The following GREB1L variants were observed in gnomAD, a reference collection of about 807,000 sequenced individuals.
GREB1L encodes GREB1 like retinoic acid receptor coactivator, also known as GREB1-like protein.
GREB1L carries 17 observed loss-of-function variants against 200.8 expected under a neutral mutation model. The ratio of observed to expected loss-of-function variants is 0.08; its 90% confidence interval spans 0.06 to 0.13. GREB1L has a LOEUF of 0.13. Among genes scored for constraint, GREB1L ranks in the 10% least tolerant of loss-of-function variants. The pLI, the probability that GREB1L is intolerant of heterozygous loss-of-function variation, is 1.00. For synonymous variants in GREB1L, 789 were observed against 893.0 expected (o/e 0.88, Z 2.08); for missense variants, 1,657 against 2,367.7 (o/e 0.70, Z 6.23).
Position 21,357,420 on chromosome 18 carries a change from A to G in GREB1L, c.-119-8607A>G, listed in dbSNP as rs1282137326. ...GTATGGTTTGCAAGCATTTTCTCCT[A>G]TCCTGTATGTTGGCTCTTCGCCCTG... On this transcript the variant is annotated intron_variant, in intron 1 of 32. Coordinates refer to ENST00000424526, the MANE Select transcript of GREB1L (RefSeq NM_001142966.3). Among the ~76,000 whole-genome samples, 3 of 152,118 alleles carry G rather than the reference A, an allele frequency of 2.0e-5. No homozygotes were observed. The East Asian group carries it at 5.8e-4, about 29-fold the overall frequency.
chr18:21,300,000 TA>T (rs2144679298), intron 1 of GREB1L, among the ~76,000 whole-genome samples: 1 of 152,306 alleles, frequency 6.6e-6, no homozygotes, highest in South Asian at 2.1e-4. Flanking sequence ...AAAAAAAATC[TA>T]AACCTGGAGA....
At chr18:21,478,264 C>G (rs1568043341) in intron 17 of GREB1L, among the ~76,000 whole-genome samples, 1 of 152,050 alleles carries the variant, frequency 6.6e-6, no homozygotes, top group Non-Finnish European at 1.5e-5. Context: ...TTGGATATAT[C>G]CAGGGATTTA....
At chr18:21,445,283 T>C (rs1477520027) in intron 11 of GREB1L, among the ~76,000 whole-genome samples, 1 of 152,226 alleles carries the variant, frequency 6.6e-6, no homozygotes, top group Non-Finnish European at 1.5e-5. Context: ...GAGACCAGCC[T>C]GACCAACATG....
At chr18:21,510,723 A>C (rs2037206738) in intron 27 of GREB1L, among the ~76,000 whole-genome samples, 1 of 152,172 alleles carries the variant, frequency 6.6e-6, no homozygotes. Flanking sequence ...TTGCTAGATC[A>C]TGTGGCAATT....
chr18:21,441,571 G>T (rs1205925396), intron 10 of GREB1L, 34 bp downstream of exon 10: 21 of 1,528,026 alleles, frequency 1.4e-5, no homozygotes, highest in African/African-American at 2.8e-5. Context: ...GCCTGTGTCT[G>T]CTGGAATCTA....
Position 21,315,858 on chromosome 18 carries a change from C to T in GREB1L, c.-119-50169C>T, listed in dbSNP as rs374341249. Among the ~76,000 whole-genome samples the T allele has an allele frequency of 4.6e-4, 70 of 152,190 alleles. 1 individual carries two copies. In the East Asian group the frequency reaches 0.01, roughly 23 times the overall value. ...TTGAGGAGAGGCAGCCAGCCTGCTC[C>T]GCCTCCCAGCTCTGTTTCAGCCCCG... On this transcript the variant is annotated intron_variant, in intron 1 of 32. Coordinates refer to ENST00000424526, the MANE Select transcript of GREB1L (RefSeq NM_001142966.3).
chr18:21,516,720 G>A lies in GREB1L; in HGVS notation c.5237G>A (p.Gly1746Glu). Reference protein sequence around the residue: ...SLMKKHVQVGGQRDFIIKPKI... With the variant: ...SLMKKHVQVGEQRDFIIKPKI... ...ATGAAGAAACATGTTCAGGTTGGAG[G>A]GCAAAGGGACTTTATCATTAAACCA... Residue 1746 changes from glycine to glutamate, a missense_variant, in exon 30 of 33, where the codon GGG becomes GAG. Gly to Glu is a moderately conservative substitution (Grantham distance 98). This residue lies in a region of GREB1L where 190 missense variants were observed against 230.2 expected (regional missense o/e 0.83). Coordinates refer to ENST00000424526, the MANE Select transcript of GREB1L (RefSeq NM_001142966.3). The A allele has an allele frequency of 6.4e-7, 1 of 1,551,476 alleles. No homozygotes were observed. Among genetic ancestry groups the A allele is most frequent in the Non-Finnish European group, 8.7e-7 (1 of 1,146,894 alleles).
At chr18:21,444,200 A>AC in intron 10 of GREB1L, 24 bp from the exon 11 acceptor site, 1 of 1,529,294 alleles carries the variant, frequency 6.5e-7, no homozygotes, top group Non-Finnish European at 8.9e-7. Context: ...GTTGAACTGT[A>AC]CTGACCTGCT....
At chr18:21,349,241 A>G (rs1319264069) in intron 1 of GREB1L, among the ~76,000 whole-genome samples, 1 of 151,692 alleles carries the variant, frequency 6.6e-6, no homozygotes, top group African/African-American at 2.4e-5. Flanking sequence ...TTTTTTTGAA[A>G]ACTTCCATTG....
chr18:21,326,097 GTA>G (rs1221729827), intron 1 of GREB1L, among the ~76,000 whole-genome samples: 1 of 152,010 alleles, frequency 6.6e-6, no homozygotes. Context: ...ATAAATGATG[GTA>G]CTTTCATACT....
intron 7 of GREB1L, among the ~76,000 whole-genome samples, chr18:21,435,562 A>C (rs760820666): frequency 4.6e-5 from 7 of 152,198 alleles, no homozygotes; most frequent in Non-Finnish European, 1.0e-4. Flanking sequence ...GACAATGAGG[A>C]GATCTTCACT....
At chr18:21,419,258 C>T (rs1376416352) in intron 7 of GREB1L, among the ~76,000 whole-genome samples, 1 of 152,104 alleles carries the variant, frequency 6.6e-6, no homozygotes, top group Non-Finnish European at 1.5e-5. Flanking sequence ...TGTCACTAAG[C>T]AAACATAACT....
chr18:21,496,650 G>A lies in GREB1L; in HGVS notation c.3343G>A (p.Asp1115Asn), dbSNP rs552744472. 1.0e-5 allele frequency: 16 copies of A among 1,551,526 alleles called. No individual in the cohort carries two copies. Among genetic ancestry groups the A allele is most frequent in the African/African-American group, 5.5e-5 (4 of 73,030 alleles). The change falls in exon 21 of 33, where the codon GAC becomes AAC. Residue 1115 changes from aspartate (D) to asparagine (N), a missense_variant. Asp to Asn is a conservative substitution (Grantham distance 23, BLOSUM62 1). Around this residue, in one of 9 missense-constraint regions of GREB1L, gnomAD observed 512 missense variants for 668.3 expected, o/e 0.77. Transcript: ENST00000424526. Reference sequence around the variant, plus strand: ...GAATGACTCCGATGAGCTGCTCATCGACCTGGAGCGGCCCCAGAGCAACAG... The same window carrying A: ...GAATGACTCCGATGAGCTGCTCATCAACCTGGAGCGGCCCCAGAGCAACAG... Reference protein sequence around the residue: ...SENDSDELLIDLERPQSNSSA... With the variant: ...SENDSDELLINLERPQSNSSA...
chr18:21,390,857 AAAAAC>A (rs1433866217), intron 4 of GREB1L, among the ~76,000 whole-genome samples: 6 of 152,204 alleles, frequency 3.9e-5, no homozygotes, highest in South Asian at 2.1e-4. Context: ...TTAAAAAGTA[AAAAAC>A]AAAACAAAAC....
intron 1 of GREB1L, among the ~76,000 whole-genome samples, chr18:21,337,752 C>T (rs1567942170): frequency 1.3e-5 from 2 of 151,954 alleles, no homozygotes; most frequent in Non-Finnish European, 2.9e-5. Flanking sequence ...TTTGGGAGGC[C>T]GAGGCGGGTA....
At position 21,441,417 on chromosome 18, in the gene GREB1L, C is replaced by G; in HGVS notation, c.1087C>G (p.Pro363Ala). ...TTTTCCAGAGCCCCTTTTATCTGCC[C>G]CAGTTCCACAGACCCCACTAACTGG... Reference protein sequence around the residue: ...LSRTEPLLSAPVPQTPLTGIL... With the variant: ...LSRTEPLLSAAVPQTPLTGIL... The change falls in exon 10 of 33, where the codon CCA becomes GCA. Residue 363 changes from proline (P) to alanine (A), a missense_variant. Physicochemically the swap from Pro to Ala is conservative, Grantham distance 27 (BLOSUM62 -1). This residue lies in a region of GREB1L where 289 missense variants were observed against 345.1 expected (regional missense o/e 0.84). Transcript: ENST00000424526. 2.6e-6 allele frequency: 4 copies of G among 1,544,006 alleles called. No individual in the cohort carries two copies. The South Asian group carries it at 4.9e-5, about 19-fold the overall frequency.
chr18:21,464,360 A>G (rs184908746), intron 15 of GREB1L, among the ~76,000 whole-genome samples: 33 of 152,176 alleles, frequency 2.2e-4, no homozygotes, highest in African/African-American at 7.0e-4. Context: ...TATAGTAGAG[A>G]TAGTAAAACC....
At chr18:21,265,983 AC>A (rs1440947304) in intron 1 of GREB1L, among the ~76,000 whole-genome samples, 1 of 152,194 alleles carries the variant, frequency 6.6e-6, no homozygotes, top group Non-Finnish European at 1.5e-5. Flanking sequence ...ATGGAAAAAA[AC>A]CCATAAGGAT....
Position 21,515,542 on chromosome 18 carries a change from T to C in GREB1L, c.5027T>C (p.Leu1676Pro). The change falls in exon 29 of 33, where the codon CTG becomes CCG. Residue 1676 changes from leucine (L) to proline (P), a missense_variant. Coordinates refer to ENST00000424526, the MANE Select transcript of GREB1L (RefSeq NM_001142966.3). ...GGCATACAGAAATGGAGCAGCAAGC[T>C]GACTTCTCAGAGCCTAAAGGCCCCA... ...ILGIQKWSSK[L>P]TSQSLKAPFS... 6.4e-7 allele frequency: 1 copy of C among 1,551,732 alleles called. No homozygotes were observed. The highest frequency in any genetic ancestry group is 1.2e-5 in the South Asian group (1 of 84,066).
Sources: allele counts gnomAD v4.1 joint callset (sites outside exome capture counted in the v4.1 genomes callset), GRCh38; gene constraint gnomAD v4.1.1; regional missense constraint gnomAD v4.1.1; transcripts MANE v1.5; gene names NCBI Gene and HGNC (gene_info 2026-07-23, HGNC 2026-07-21).